COL4A3: variants seen among roughly 807,000 people sequenced by gnomAD.
COL4A3 encodes the protein collagen type IV alpha 3 chain, also known as collagen alpha-3(IV) chain.
In COL4A3, 135 loss-of-function variants were observed where a neutral mutation model predicts 217.4. That is an observed-to-expected ratio of 0.62 (90% CI 0.54 to 0.72). The LOEUF (loss-of-function observed/expected upper bound fraction) is 0.72. COL4A3 is among the 30% of genes least tolerant of loss of function. COL4A3 has a pLI of 0.00. For synonymous variants in COL4A3, 690 were observed against 736.3 expected, an observed-to-expected ratio of 0.94 and a Z score of 1.02; for missense variants, 1,868 against 2,119.9, an observed-to-expected ratio of 0.88 and a Z score of 2.33.
rs758771967 is a variant in COL4A3, at chr2:227,256,577, T to C, written c.987+181T>C. 4 of 761,316 alleles carry C rather than the reference T, an allele frequency of 5.3e-6. No homozygotes were observed. In the African/African-American group the frequency reaches 6.8e-5, roughly 13 times the overall value. 47.2% of individuals were successfully genotyped at this position (761,316 alleles called of 1,614,324 possible). On this transcript the variant is annotated intron_variant, in intron 17 of 51. Coordinates refer to ENST00000396578, the MANE Select transcript of COL4A3 (RefSeq NM_000091.5). The stretch of plus-strand genomic sequence containing the variant: ...ACTTTACTTAAACATTTGAAGGGTG[T>C]TCTTGAGGAAAAGGTATTAAACTTG...
At chr2:227,285,290 A>G (rs2106180928) in intron 34 of COL4A3, among the ~76,000 whole-genome samples, 2 of 150,522 alleles carry the variant, frequency 1.3e-5, no homozygotes, top group African/African-American at 4.9e-5. Context: ...AAAAAAAAAA[A>G]AAAAAAAAAA....
intron 1 of COL4A3, among the ~76,000 whole-genome samples, chr2:227,172,092 C>T (rs2125640914): frequency 6.6e-6 from 1 of 152,222 alleles, no homozygotes; most frequent in South Asian, 2.1e-4. Context: ...GGTCATATAC[C>T]AGTTAAACTC....
At chr2:227,233,143 A>G (rs913747581) in intron 1 of COL4A3, among the ~76,000 whole-genome samples, 6 of 152,124 alleles carry the variant, frequency 3.9e-5, no homozygotes, top group African/African-American at 1.4e-4. Context: ...CCTCCTGAGT[A>G]GCTGAGGTTA....
intron 1 of COL4A3, among the ~76,000 whole-genome samples, chr2:227,231,628 C>A (rs188310907): frequency 6.6e-6 from 1 of 152,242 alleles, no homozygotes; most frequent in East Asian, 1.9e-4. Flanking sequence ...TCAAGCAATC[C>A]TCCCATCTCA....
At chr2:227,255,319 C>G (rs548658982) in intron 15 of COL4A3, among the ~76,000 whole-genome samples, 4 of 152,088 alleles carry the variant, frequency 2.6e-5, no homozygotes, top group Non-Finnish European at 5.9e-5. Flanking sequence ...AAGTGGGCAG[C>G]TGGAAAAACG....
Position 227,269,924 on chromosome 2 carries a change from G to C in COL4A3, c.1519G>C (p.Ala507Pro), listed in dbSNP as rs1425935146. ...TTGATTTGCAGGAAGACAAGGCGCA[G>C]CTGGCTTGAAAGGAAGCCCAGGGTC... is the stretch of plus-strand genomic sequence containing the variant. ...VKGIPGRQGA[A>P]GLKGSPGSPG... Residue 507 changes from alanine (A) to proline (P), a missense_variant, in exon 24 of 52, where the codon GCT becomes CCT. This residue lies in a region of COL4A3 where 1,503 missense variants were observed against 1,786.1 expected (regional missense o/e 0.84). Transcript: ENST00000396578. 6.2e-7 allele frequency: 1 copy of C among 1,613,878 alleles called. No homozygotes were observed. Among genetic ancestry groups the C allele is most frequent in the Non-Finnish European group, 8.5e-7 (1 of 1,179,832 alleles).
rs141680098 is a variant in COL4A3, at chr2:227,292,903, C to A, written c.3211-288C>A. Among the ~76,000 whole-genome samples the A allele has an allele frequency of 1.7e-4, 26 of 152,186 alleles. 2 individuals carry two copies. In the East Asian group the frequency reaches 4.6e-3, roughly 27 times the overall value. ...CCTGGGTATGCTACCAGTGCAGTCA[C>A]AGAAATCCTGTGCTAAGAAGGGCCT... On this transcript the variant is annotated intron_variant, in intron 37 of 51. Transcript: ENST00000396578.
chr2:227,179,803 G>A (rs554878771), intron 1 of COL4A3, among the ~76,000 whole-genome samples: 190 of 152,292 alleles, frequency 1.2e-3, no homozygotes, highest in Non-Finnish European at 2.3e-3. Context: ...GCTTAGATAC[G>A]TGTGCAGAGA....
intron 1 of COL4A3, among the ~76,000 whole-genome samples, chr2:227,193,870 A>G (rs1232195849): frequency 3.5e-4 from 1 of 2,842 alleles, no homozygotes; most frequent in Non-Finnish European, 9.5e-4. Flanking sequence ...AAGGGAAATA[A>G]GGAGAGAGGG....
At chr2:227,247,634 G>A (rs923313039) in intron 8 of COL4A3, 50 bp downstream of exon 8, 2 of 1,557,368 alleles carry the variant, frequency 1.3e-6, no homozygotes, top group Non-Finnish European at 1.8e-6. Context: ...CTGTACATAT[G>A]AAAAGGACGT....
Position 227,308,813 on chromosome 2 carries a change from T to TAC in COL4A3, c.4463-84_4463-83dup, listed in dbSNP as rs2073620101. 2.3e-5 allele frequency: 31 copies of TAC among 1,373,372 alleles called. 1 individual carries two copies. The South Asian group carries it at 2.7e-4, about 12-fold the overall frequency. The allele number at this position is 1,373,372 out of a possible 1,614,324, so 85.1% of individuals were successfully genotyped here. Reference sequence around the variant, plus strand: ...TCTTTGTCCAGCTTTTGCTGCAGGTTACATTTAAATTAGCTTCTCTCTAGT... The same window carrying TAC: ...TCTTTGTCCAGCTTTTGCTGCAGGTTACACATTTAAATTAGCTTCTCTCTAGT... On this transcript the variant is annotated intron_variant, in intron 48 of 51. Coordinates refer to ENST00000396578, the MANE Select transcript of COL4A3 (RefSeq NM_000091.5).
intron 41 of COL4A3, among the ~76,000 whole-genome samples, chr2:227,297,073 C>T (rs1337129588): frequency 6.6e-6 from 1 of 152,150 alleles, no homozygotes; most frequent in Non-Finnish European, 1.5e-5. Context: ...TTGGTAAATC[C>T]AAACCTCCTG....
In COL4A3 at chr2:227,290,064, A is replaced by T; in HGVS notation, c.3046A>T (p.Ser1016Cys). 1.2e-6 allele frequency: 2 copies of T among 1,614,212 alleles called. No individual in the cohort carries two copies. The highest frequency in any genetic ancestry group is 1.7e-6 in the Non-Finnish European group (2 of 1,180,026). ...ACCAGGACTGCGTGGTATACCAGGA[A>T]GCATGGGGAACATGGGCATGCCAGG... Reference protein sequence around the residue: ...GEPGLRGIPGSMGNMGMPGSK... With the variant: ...GEPGLRGIPGCMGNMGMPGSK... Residue 1016 changes from serine to cysteine, a missense_variant, in exon 36 of 52, where the codon AGC (serine) becomes TGC (cysteine). By Grantham distance (112) the Ser-to-Cys change is moderately radical. Around this residue, in one of 2 missense-constraint regions of COL4A3, gnomAD observed 1,503 missense variants for 1,786.1 expected, o/e 0.84. Transcript: ENST00000396578.
intron 29 of COL4A3, 145 bp downstream of exon 29, chr2:227,280,035 T>C (rs918307387): frequency 6.3e-6 from 4 of 631,308 alleles, no homozygotes; most frequent in Non-Finnish European, 1.1e-5. Flanking sequence ...TTTTTAAATG[T>C]TTCTCTGGAT....
At chr2:227,245,106 A>C in intron 5 of COL4A3, 111 bp downstream of exon 5, 1 of 997,404 alleles carries the variant, frequency 1.0e-6, no homozygotes, top group Non-Finnish European at 1.6e-6. Context: ...TGTTACATGA[A>C]GAAAATAGCA....
chr2:227,192,589 T>A (rs2066287022), intron 1 of COL4A3, among the ~76,000 whole-genome samples: 1 of 152,222 alleles, frequency 6.6e-6, no homozygotes. Flanking sequence ...GGAGATCACT[T>A]GACGGTCTCA....
chr2:227,284,118 T>C, intron 33 of COL4A3, 93 bp from the exon 34 acceptor site: 1 of 1,534,396 alleles, frequency 6.5e-7, no homozygotes, highest in East Asian at 2.2e-5. Flanking sequence ...TTTGTTTGAT[T>C]TGTTCTGTTT....
At position 227,282,498 on chromosome 2, in the gene COL4A3, A is replaced by T. The variant is rs780326034; in HGVS notation, c.2622A>T (p.Gly874=). Reference sequence around the variant, plus strand: ...AAATGGGACCACTGGGTCAAAGAGGATATCCAGGAAATCCGGGAATTTTAG... The same window carrying T: ...AAATGGGACCACTGGGTCAAAGAGGTTATCCAGGAAATCCGGGAATTTTAG... ...QGEMGPLGQR[G]YPGNPGILGP... is the part of the protein sequence containing the mutation. Residue 874 remains glycine (G), a synonymous_variant, in exon 32 of 52, where the codon GGA becomes GGT. Transcript: ENST00000396578. The surrounding 1 kb of genome is among the most constrained non-coding windows in gnomAD (Gnocchi z 4.4). 7.7e-5 allele frequency: 125 copies of T among 1,613,668 alleles called. No homozygotes were observed. The highest frequency in any genetic ancestry group is 1.0e-4 in the Non-Finnish European group (120 of 1,179,938).
intron 1 of COL4A3, among the ~76,000 whole-genome samples, chr2:227,174,865 T>C (rs1577026521): frequency 6.6e-6 from 1 of 152,078 alleles, no homozygotes; most frequent in African/African-American, 2.4e-5. Context: ...ATAGAAGACA[T>C]AGGCGCTGGG....
Sources: gnomAD v4.1 joint callset for allele counts (sites outside exome capture counted in the v4.1 genomes callset) on GRCh38, gnomAD v4.1.1 for gene constraint, gnomAD v4.1.1 regional missense constraint, Gnocchi (gnomAD v3.1) non-coding constraint, MANE v1.5 for transcripts, NCBI Gene and HGNC (gene_info 2026-07-23, HGNC 2026-07-21) for gene names.